The following CHLSN variants were observed in gnomAD, a reference collection of about 807,000 sequenced individuals.
CHLSN encodes protein cholesin.
At chr7:1,067,659 C>T in the CHLSN span, among the ~76,000 whole-genome samples, 2 of 62,546 alleles carry the variant, frequency 3.2e-5, no homozygotes, top group Non-Finnish European at 6.7e-5. Flanking sequence ...GGCTGGAGTA[C>T]ATCCAGAGGT....
chr7:1,017,992 T>C, the CHLSN span, among the ~76,000 whole-genome samples: 132 of 152,338 alleles, frequency 8.7e-4, 3 homozygotes, highest in African/African-American at 8.4e-4. Context: ...GAAGACCTAG[T>C]AGAACTTAGC....
At chr7:1,016,420 C>T in the CHLSN span, among the ~76,000 whole-genome samples, 8 of 53,092 alleles carry the variant, frequency 1.5e-4, no homozygotes, top group East Asian at 3.0e-3. Flanking sequence ...CAGCAGCGCA[C>T]GCCAGCACAC....
chr7:1,041,236 G>C, the CHLSN span, among the ~76,000 whole-genome samples: 14 of 145,654 alleles, frequency 9.6e-5, 1 homozygote, highest in African/African-American at 3.5e-4. Context: ...TCCGCGCTGC[G>C]GGGAAGGGGA....
chr7:997,566 C>T, the CHLSN span: 5 of 1,387,440 alleles, frequency 3.6e-6, no homozygotes, highest in East Asian at 1.2e-4. Flanking sequence ...AGGAGCTGCA[C>T]CCTGTGTGGT....
At chr7:988,940 C>T in the CHLSN span, 4 of 651,130 alleles carry the variant, frequency 6.1e-6, no homozygotes. Context: ...AGGACTCCCA[C>T]CCTCACCCCC....
the CHLSN span, among the ~76,000 whole-genome samples, chr7:1,099,145 C>G: frequency 1.4e-5 from 2 of 138,010 alleles, no homozygotes; most frequent in East Asian, 3.9e-4. Flanking sequence ...CCTCCCCTTC[C>G]GGAGCCTCGC....
At chr7:1,095,928 C>T in the CHLSN span, among the ~76,000 whole-genome samples, 29 of 152,324 alleles carry the variant, frequency 1.9e-4, no homozygotes, top group East Asian at 1.9e-4. Flanking sequence ...GCCTGCTGTG[C>T]GGGAAGTGCA....
At chr7:1,093,693 CAGA>C in the CHLSN span, 6 of 468,922 alleles carry the variant, frequency 1.3e-5, no homozygotes, top group African/African-American at 1.2e-4. Flanking sequence ...TTTGTTTCTA[CAGA>C]AATAACAGCT....
the CHLSN span, among the ~76,000 whole-genome samples, chr7:1,010,852 C>T: frequency 6.6e-6 from 1 of 152,292 alleles, no homozygotes; most frequent in East Asian, 1.9e-4. Flanking sequence ...CCACATGCTT[C>T]GTCTTTTTTG....
chr7:1,017,828 G>A, the CHLSN span, among the ~76,000 whole-genome samples: 2 of 152,234 alleles, frequency 1.3e-5, no homozygotes, highest in African/African-American at 2.4e-5. Flanking sequence ...AAGGCCAGGC[G>A]CTCTGGGGCC....
the CHLSN span, chr7:1,058,063 A>C: frequency 1.3e-5 from 10 of 767,962 alleles, no homozygotes; most frequent in South Asian, 1.3e-4. Flanking sequence ...AAGATGCAGA[A>C]CGCAGAAGCT....
At chr7:1,068,386 C>G in the CHLSN span, among the ~76,000 whole-genome samples, 1 of 152,214 alleles carries the variant, frequency 6.6e-6, no homozygotes, top group Non-Finnish European at 1.5e-5. Context: ...GGGAGCAGGA[C>G]AGCCCCGGGG....
chr7:1,028,240 C>G, the CHLSN span: 8 of 1,092,196 alleles, frequency 7.3e-6, no homozygotes, highest in Non-Finnish European at 9.0e-6. Flanking sequence ...AATGCGGGCC[C>G]TGGCCCCGCG....
chr7:1,121,453 T>G, the CHLSN span, among the ~76,000 whole-genome samples: 1 of 152,218 alleles, frequency 6.6e-6, no homozygotes, highest in African/African-American at 2.4e-5. Context: ...GTATTTTGGA[T>G]CAGAGCAAAT....
At chr7:988,146 A>C in the CHLSN span, 1 of 1,136,550 alleles carries the variant, frequency 8.8e-7, no homozygotes, top group Non-Finnish European at 1.2e-6. Context: ...TGGGTGCCTC[A>C]CCTGCAAGGT....
At chr7:986,517 C>T in the CHLSN span, 8 of 1,350,374 alleles carry the variant, frequency 5.9e-6, no homozygotes, top group African/African-American at 1.5e-5. Context: ...AGCACATCCA[C>T]CCAGAGTCCC....
chr7:1,017,380 T>C, the CHLSN span, among the ~76,000 whole-genome samples: 9 of 152,182 alleles, frequency 5.9e-5, no homozygotes, highest in Admixed American at 1.3e-4. Context: ...TGCCGTGCCC[T>C]GCTGTGTGGG....
At chr7:1,023,664 CA>C in the CHLSN span, among the ~76,000 whole-genome samples, 405 of 111,364 alleles carry the variant, frequency 3.6e-3, 3 homozygotes, top group African/African-American at 0.012. The surrounding 1 kb of genome is among the most constrained non-coding windows in gnomAD (Gnocchi z 5.0). Flanking sequence ...CACACACACA[CA>C]CACACACACA....
the CHLSN span, chr7:1,059,408 G>A: frequency 6.6e-6 from 1 of 152,458 alleles, no homozygotes; most frequent in Non-Finnish European, 1.5e-5. Context: ...CCGTATCTCC[G>A]CGGCCCTCGC....
Sources: gnomAD v4.1 joint callset for allele counts (sites outside exome capture counted in the v4.1 genomes callset) on GRCh38, gnomAD v4.1.1 for gene constraint, Gnocchi (gnomAD v3.1) non-coding constraint, MANE v1.5 for transcripts, NCBI Gene and HGNC (gene_info 2026-07-23, HGNC 2026-07-21) for gene names.